PBX4: variants seen among roughly 807,000 people sequenced by gnomAD.
PBX4 encodes pre-B-cell leukemia transcription factor 4.
A neutral mutation model predicts 35.1 loss-of-function variants in PBX4; 26 were observed. The ratio of observed to expected loss-of-function variants is 0.74; its 90% CI spans 0.54 to 1.03. The LOEUF (loss-of-function observed/expected upper bound fraction) is 1.03, where lower values mean the gene tolerates loss of function less well. PBX4 is among the 50% of genes least tolerant of loss of function. PBX4 has a pLI of 0.00. For missense variants in PBX4, 448 were observed against 504.3 expected (o/e 0.89, Z 1.07); for synonymous variants, 199 against 204.2 (o/e 0.97, Z 0.22).
In PBX4 at chr19:19,562,664, G is replaced by C. The variant is rs1036245946; in HGVS notation, c.1033-547C>G. ...GACCCACCCCCACTATGGTGGGCAC[G>C]GTACAGGTTAAGGAAGTGGCTGGGA... is the stretch of plus-strand genomic sequence containing the variant. On this transcript the variant is annotated intron_variant, in intron 7 of 7. Coordinates refer to ENST00000251203, the MANE Select transcript of PBX4 (RefSeq NM_025245.3). This position sits in a 1 kb window ranked among gnomAD's most constrained non-coding sequence, Gnocchi z 4.8. Among the ~76,000 whole-genome samples the C allele has an allele frequency of 6.6e-6, 1 of 152,202 alleles. No individual in the cohort carries two copies. The highest frequency in any genetic ancestry group is 1.5e-5 in the Non-Finnish European group (1 of 68,028).
Position 19,563,633 on chromosome 19 carries a change from C to T in PBX4, c.926-18G>A, listed in dbSNP as rs571309012. ...AGAGGAGCCTGGAAGAGATGGGAGC[C>T]GGGGTGGGCAGAGTCGTGGCGCCTC... On this transcript the variant is annotated intron_variant, in intron 6 of 7. Coordinates refer to ENST00000251203, the MANE Select transcript of PBX4 (RefSeq NM_025245.3). This position sits in a 1 kb window ranked among gnomAD's most constrained non-coding sequence, Gnocchi z 5.1. 8 of 1,545,336 alleles carry T rather than the reference C, an allele frequency of 5.2e-6. No homozygotes were observed. Among genetic ancestry groups the T allele is most frequent in the African/African-American group, 4.1e-5 (3 of 72,930 alleles).
chr19:19,607,513 T>A (rs1455953266), intron 1 of PBX4, among the ~76,000 whole-genome samples: 6 of 152,176 alleles, frequency 3.9e-5, no homozygotes, highest in African/African-American at 1.4e-4. Flanking sequence ...TAAACCAATA[T>A]TCAAAATCTA....
intron 2 of PBX4, among the ~76,000 whole-genome samples, chr19:19,595,028 A>T (rs555082227): frequency 6.6e-6 from 1 of 152,238 alleles, no homozygotes; most frequent in South Asian, 2.1e-4. Flanking sequence ...AGCCTTTAAA[A>T]AGTACTTTTT....
intron 2 of PBX4, among the ~76,000 whole-genome samples, chr19:19,577,795 G>C (rs1323668618): frequency 6.6e-6 from 1 of 151,878 alleles, no homozygotes; most frequent in Non-Finnish European, 1.5e-5. Flanking sequence ...TGAGGCAGAG[G>C]TTGCAGTGAG....
At chr19:19,572,405 T>C (rs1228210014) in intron 2 of PBX4, among the ~76,000 whole-genome samples, 2 of 152,084 alleles carry the variant, frequency 1.3e-5, no homozygotes, top group Admixed American at 1.3e-4. Context: ...GTCAGCTACT[T>C]ACCGAATTAG....
intron 2 of PBX4, among the ~76,000 whole-genome samples, chr19:19,593,338 T>C (rs1480277992): frequency 2.0e-5 from 3 of 152,210 alleles, no homozygotes; most frequent in Non-Finnish European, 2.9e-5. Context: ...CCCCGGCTCA[T>C]GGGATTGCCC....
chr19:19,611,610 C>T (rs1234141567), intron 1 of PBX4, among the ~76,000 whole-genome samples: 2 of 139,568 alleles, frequency 1.4e-5, no homozygotes, highest in Admixed American at 1.5e-4. Flanking sequence ...ACCCAGGGGG[C>T]AGAGGTTGCA....
intron 2 of PBX4, among the ~76,000 whole-genome samples, chr19:19,593,120 A>T: frequency 6.6e-6 from 1 of 152,204 alleles, no homozygotes; most frequent in Non-Finnish European, 1.5e-5. Flanking sequence ...TTGTAGAGAC[A>T]GGGTCTTACT....
chr19:19,588,273 T>C (rs113497924), intron 2 of PBX4: 18,423 of 1,209,620 alleles, frequency 0.015, 639 homozygotes, highest in Admixed American at 0.081. Flanking sequence ...CATAGTTACA[T>C]TCATCACATA....
chr19:19,609,575 G>T (rs2061651563), intron 1 of PBX4, among the ~76,000 whole-genome samples: 1 of 147,432 alleles, frequency 6.8e-6, no homozygotes, highest in Non-Finnish European at 1.5e-5. Context: ...AAAGAGCCAG[G>T]CGCAGTGATT....
Position 19,563,379 on chromosome 19 carries a change from G to A in PBX4, c.1032+130C>T, listed in dbSNP as rs747002169. ...AGAGCTGTGCCCCAGAGGTGGCCGC[G>A]CAGCATGGCCTGTGTGGCTGCTGGG... On this transcript the variant is annotated intron_variant, in intron 7 of 7. Coordinates refer to ENST00000251203, the MANE Select transcript of PBX4 (RefSeq NM_025245.3). The surrounding 1 kb of genome is among the most constrained non-coding windows in gnomAD (Gnocchi z 5.1). The A allele has an allele frequency of 1.0e-5, 7 of 681,546 alleles. No homozygotes were observed. Among genetic ancestry groups the A allele is most frequent in the Non-Finnish European group, 1.7e-5 (7 of 407,410 alleles). 42.2% of individuals were successfully genotyped at this position (681,546 alleles called of 1,614,324 possible).
chr19:19,570,768 T>C lies in PBX4; in HGVS notation c.259A>G (p.Met87Val). 2 of 1,614,098 alleles carry C rather than the reference T, an allele frequency of 1.2e-6. No individual in the cohort carries two copies. Among genetic ancestry groups the C allele is most frequent in the Non-Finnish European group, 1.7e-6 (2 of 1,180,024 alleles). ...PDAQLLRLDN[M>V]LLAEGVCRPE... ...CTGCACACGCCCTCAGCCAGCAGCA[T>C]GTTATCCAGCCTCAGGAGCTGGGCG... is the stretch of plus-strand genomic sequence containing the variant. Residue 87 changes from methionine to valine, a missense_variant, in exon 3 of 8, where the codon ATG becomes GTG. Coordinates refer to ENST00000251203, the MANE Select transcript of PBX4 (RefSeq NM_025245.3).
chr19:19,566,374 C>T (rs935542967), intron 5 of PBX4, among the ~76,000 whole-genome samples: 8 of 152,206 alleles, frequency 5.3e-5, no homozygotes, highest in Non-Finnish European at 8.8e-5. Flanking sequence ...GGCAGATTCA[C>T]ATGGGTGAGC....
intron 2 of PBX4, among the ~76,000 whole-genome samples, chr19:19,598,912 C>A (rs1195147003): frequency 7.2e-6 from 1 of 138,208 alleles, no homozygotes; most frequent in African/African-American, 2.7e-5. Flanking sequence ...ACAGGAAGTG[C>A]CTTTTTTTTT....
chr19:19,571,160 C>G (rs1447674328), intron 2 of PBX4, among the ~76,000 whole-genome samples: 1 of 152,182 alleles, frequency 6.6e-6, no homozygotes, highest in Non-Finnish European at 1.5e-5. Flanking sequence ...GTCACCTGAA[C>G]CCCTGAACCG....
intron 1 of PBX4, among the ~76,000 whole-genome samples, chr19:19,610,340 G>C (rs927666933): frequency 1.3e-5 from 2 of 152,130 alleles, no homozygotes; most frequent in African/African-American, 4.8e-5. Flanking sequence ...TTGAACCCGG[G>C]AGGTGGAGGT....
chr19:19,591,213 G>T (rs141931899), intron 2 of PBX4, among the ~76,000 whole-genome samples: 1 of 152,208 alleles, frequency 6.6e-6, no homozygotes, highest in East Asian at 1.9e-4. Flanking sequence ...TTAGAAAAAG[G>T]ATCTCAGTTC....
intron 2 of PBX4, among the ~76,000 whole-genome samples, chr19:19,579,447 C>T (rs1430038947): frequency 6.6e-6 from 1 of 152,134 alleles, no homozygotes; most frequent in African/African-American, 2.4e-5. Flanking sequence ...TCCCCAGGAA[C>T]AAAGACGTGG....
At chr19:19,568,485 C>T (rs998212633) in intron 5 of PBX4, among the ~76,000 whole-genome samples, 6 of 134,706 alleles carry the variant, frequency 4.5e-5, no homozygotes, top group African/African-American at 1.7e-4. Flanking sequence ...AGGGAACTCA[C>T]ACTCCATCTG....
Sources: allele counts gnomAD v4.1 joint callset (sites outside exome capture counted in the v4.1 genomes callset), GRCh38; gene constraint gnomAD v4.1.1; non-coding constraint Gnocchi (gnomAD v3.1); transcripts MANE v1.5; gene names NCBI Gene and HGNC (gene_info 2026-07-23, HGNC 2026-07-21).